Variants in MBOAT2 observed in about 807,000 individuals in gnomAD.
The protein encoded by MBOAT2 is membrane-bound glycerophospholipid O-acyltransferase 2.
A neutral mutation model predicts 63.4 loss-of-function variants in MBOAT2; 28 were observed. The ratio of observed to expected loss-of-function variants is 0.44; its 90% CI spans 0.33 to 0.61. The LOEUF (loss-of-function observed/expected upper bound fraction) is 0.61, where lower values mean the gene tolerates loss of function less well. MBOAT2 is among the 20% of genes least tolerant of loss of function. MBOAT2 has a pLI of 0.03. For missense variants in MBOAT2, 470 were observed against 605.8 expected (o/e 0.78, Z 2.35); for synonymous variants, 211 against 215.6 (o/e 0.98, Z 0.19).
chr2:8,937,991 G>T (rs1667783796), intron 3 of MBOAT2, among the ~76,000 whole-genome samples: 1 of 152,168 alleles, frequency 6.6e-6, no homozygotes, highest in Non-Finnish European at 1.5e-5. Context: ...GAATTTCTAT[G>T]AGAGGGAAGT....
chr2:8,933,905 GA>G (rs1241614196), intron 3 of MBOAT2, among the ~76,000 whole-genome samples: 2 of 152,124 alleles, frequency 1.3e-5, no homozygotes, highest in Non-Finnish European at 2.9e-5. Flanking sequence ...ACTTGCTCAA[GA>G]ATGACTGAAA....
In MBOAT2 at chr2:8,921,179, T is replaced by TA. The variant is rs370009700; in HGVS notation, c.300-12464dup. Among the ~76,000 whole-genome samples, 310 of 152,328 alleles carry TA rather than the reference T, an allele frequency of 2.0e-3. 1 individual carries two copies. Among genetic ancestry groups the TA allele is most frequent in the African/African-American group, 7.0e-3 (291 of 41,582 alleles). ...CCTCCTTTAGTGCCTTCTTTTGTAT[T>TA]AAACAAATATTTGGTAGTGAACTAT... On this transcript the variant is annotated intron_variant, in intron 3 of 12. Coordinates refer to ENST00000305997, the MANE Select transcript of MBOAT2 (RefSeq NM_138799.4).
rs187474422 is a variant in MBOAT2, at chr2:8,864,215, A to G, written c.1007T>C (p.Met336Thr). The G allele has an allele frequency of 6.3e-7, 1 of 1,578,468 alleles. No individual in the cohort carries two copies. The highest frequency in any genetic ancestry group is 1.9e-5 in the Admixed American group (1 of 52,392). Reference protein sequence around the residue: ...QQIEMSTSFKMFLDNWNIQTA... With the variant: ...QQIEMSTSFKTFLDNWNIQTA... ...CTGAATATTCCAATTATCAAGAAACATCTTGAAACTTGTTGACATCTGAAA... is the reference window on the plus strand; with the variant it reads ...CTGAATATTCCAATTATCAAGAAACGTCTTGAAACTTGTTGACATCTGAAA... The change falls in exon 10 of 13, where the codon ATG becomes ACG. Residue 336 changes from methionine to threonine, a missense_variant. By Grantham distance (81) the Met-to-Thr change is moderately conservative (BLOSUM62 -1). This residue lies in a region of MBOAT2 where 376 missense variants were observed against 503.8 expected (regional missense o/e 0.75). Coordinates refer to ENST00000305997, the MANE Select transcript of MBOAT2 (RefSeq NM_138799.4).
chr2:9,003,045 A>C lies in MBOAT2; in HGVS notation c.75+495T>G, dbSNP rs933135710. On this transcript the variant is annotated intron_variant, in intron 1 of 12. Coordinates refer to ENST00000305997, the MANE Select transcript of MBOAT2 (RefSeq NM_138799.4). The surrounding 1 kb of genome is among the most constrained non-coding windows in gnomAD (Gnocchi z 5.4). ...CTAGCACCCATCGACGCCGTCTCTAAGGCACCCAGCACACCCAGACCCATG... is the reference window on the plus strand; with the variant it reads ...CTAGCACCCATCGACGCCGTCTCTACGGCACCCAGCACACCCAGACCCATG... 6.6e-6 allele frequency among the ~76,000 whole-genome samples: 1 copy of C among 152,006 alleles called. No individual in the cohort carries two copies. The highest frequency in any genetic ancestry group is 2.4e-5 in the African/African-American group (1 of 41,408).
In MBOAT2 at chr2:8,944,648, GACACACACACACACACACACACAC is replaced by G. The variant is rs61107364; in HGVS notation, c.222-1408_222-1385del. Among the ~76,000 whole-genome samples, 3 of 140,144 alleles carry G rather than the reference GACACACACACACACACACACACAC, an allele frequency of 2.1e-5. No homozygotes were observed. In the Admixed American group the frequency reaches 2.2e-4, roughly 10 times the overall value. The allele number at this position is 140,144 out of a possible 152,430, so 91.9% of individuals were successfully genotyped here. A position where few individuals can be genotyped will look rare whatever the true frequency, so the allele number is the denominator to read the frequency against. On this transcript the variant is annotated intron_variant, in intron 2 of 12. Coordinates refer to ENST00000305997, the MANE Select transcript of MBOAT2 (RefSeq NM_138799.4). ...AATAGGTCAGTCTATCTGTTTGACT[GACACACACACACACACACACACAC>G]ACACACACACACGAAAATAATGTTG...
chr2:8,917,808 C>A (rs1030483948), intron 3 of MBOAT2, among the ~76,000 whole-genome samples: 1 of 152,038 alleles, frequency 6.6e-6, no homozygotes, highest in African/African-American at 2.4e-5. Context: ...TCCTAATAGC[C>A]CATTTTTGAA....
intron 4 of MBOAT2, among the ~76,000 whole-genome samples, chr2:8,888,477 C>G (rs951310698): frequency 1.3e-5 from 2 of 152,140 alleles, no homozygotes; most frequent in Non-Finnish European, 2.9e-5. Context: ...TGGACAGACT[C>G]TCAACTCCCT....
At chr2:8,928,501 G>A (rs990843745) in intron 3 of MBOAT2, among the ~76,000 whole-genome samples, 11 of 151,918 alleles carry the variant, frequency 7.2e-5, no homozygotes, top group South Asian at 2.1e-4. Flanking sequence ...TTTTGGTCTC[G>A]GGACCCTTTT....
At chr2:8,945,817 T>C (rs1668372449) in intron 2 of MBOAT2, among the ~76,000 whole-genome samples, 1 of 152,154 alleles carries the variant, frequency 6.6e-6, no homozygotes, top group Non-Finnish European at 1.5e-5. Flanking sequence ...GGCATAAGGT[T>C]TATTTTTAGA....
Position 8,858,784 on chromosome 2 carries a change from A to T in MBOAT2, c.1458T>A (p.Phe486Leu). Residue 486 changes from phenylalanine to leucine, a missense_variant, in exon 13 of 13, where the codon TTT becomes TTA. Transcript: ENST00000305997. ...GTCCCAAAGAATTTTCTCCTTCATCAAACTTTTTGGATTGTGAGAGCTGAA... is the reference window on the plus strand; with the variant it reads ...GTCCCAAAGAATTTTCTCCTTCATCTAACTTTTTGGATTGTGAGAGCTGAA... ...ENIQLSQSKKFDEGENSLGQN... is the reference protein window; with the variant it reads ...ENIQLSQSKKLDEGENSLGQN... The T allele has an allele frequency of 6.2e-7, 1 of 1,614,114 alleles. No homozygotes were observed.
rs182051156 is a variant in MBOAT2 at position 8,879,565 on chromosome 2, T to A, written c.507-2352A>T. ...CTATGTGTTGTCTCAAGCTTGGGCT[T>A]CTCGTGTACAGAATTATTGACACTT... is the stretch of plus-strand genomic sequence containing the variant. On this transcript the variant is annotated intron_variant, in intron 6 of 12. Coordinates refer to ENST00000305997, the MANE Select transcript of MBOAT2 (RefSeq NM_138799.4). 2.0e-5 allele frequency among the ~76,000 whole-genome samples: 3 copies of A among 152,326 alleles called. No homozygotes were observed. In the East Asian group the frequency reaches 5.8e-4, roughly 29 times the overall value.
intron 3 of MBOAT2, among the ~76,000 whole-genome samples, chr2:8,914,088 C>T (rs1305785484): frequency 6.6e-6 from 1 of 152,130 alleles, no homozygotes; most frequent in Non-Finnish European, 1.5e-5. Context: ...AACAAAACAT[C>T]ATATGTTCTG....
At chr2:8,893,524 A>AGC (rs1664176133) in intron 4 of MBOAT2, among the ~76,000 whole-genome samples, 1 of 152,238 alleles carries the variant, frequency 6.6e-6, no homozygotes, top group Non-Finnish European at 1.5e-5. Context: ...GACACAGCAG[A>AGC]TGTTTAATAG....
chr2:8,917,140 T>C (rs980369184), intron 3 of MBOAT2, among the ~76,000 whole-genome samples: 6 of 152,234 alleles, frequency 3.9e-5, no homozygotes, highest in South Asian at 2.1e-4. Flanking sequence ...ATATGGATCA[T>C]TGATCTAGGC....
chr2:8,883,797 C>G (rs186837821), intron 5 of MBOAT2, among the ~76,000 whole-genome samples: 4 of 151,956 alleles, frequency 2.6e-5, no homozygotes, highest in African/African-American at 9.6e-5. Context: ...CAACTTTATA[C>G]GTAATAGCAG....
intron 3 of MBOAT2, among the ~76,000 whole-genome samples, chr2:8,920,882 A>C (rs889514011): frequency 3.9e-5 from 6 of 152,196 alleles, no homozygotes; most frequent in African/African-American, 1.4e-4. Flanking sequence ...CAACCTTGCC[A>C]GCCTCATTTA....
chr2:8,946,720 G>A (rs139767128), intron 2 of MBOAT2, among the ~76,000 whole-genome samples: 11 of 152,216 alleles, frequency 7.2e-5, no homozygotes, highest in Non-Finnish European at 1.6e-4. Flanking sequence ...TACTGTAATC[G>A]TTTGGGGGCA....
Position 8,908,660 on chromosome 2 carries a change from T to C in MBOAT2, c.356A>G (p.Tyr119Cys). The C allele has an allele frequency of 4.3e-6, 7 of 1,612,114 alleles. No homozygotes were observed. Among genetic ancestry groups the C allele is most frequent in the Non-Finnish European group, 5.9e-6 (7 of 1,178,836 alleles). Residue 119 changes from tyrosine to cysteine, a missense_variant, in exon 4 of 13, where the codon TAT becomes TGT. This residue lies in a region of MBOAT2 where 376 missense variants were observed against 503.8 expected (regional missense o/e 0.75). Coordinates refer to ENST00000305997, the MANE Select transcript of MBOAT2 (RefSeq NM_138799.4). ...AGAATATTGTCCATAGTCAAAGATA[T>C]AGACTCGAGTAACTTGGCACACTGT... ...YLTVCQVTRV[Y>C]IFDYGQYSAD... is the part of the protein sequence containing the mutation.
At chr2:8,990,517 C>T (rs1558690500) in intron 1 of MBOAT2, among the ~76,000 whole-genome samples, 1 of 151,980 alleles carries the variant, frequency 6.6e-6, no homozygotes, top group Non-Finnish European at 1.5e-5. Flanking sequence ...GCATTTCCTA[C>T]CCAATGAAAT....
Sources: allele counts gnomAD v4.1 joint callset (sites outside exome capture counted in the v4.1 genomes callset), GRCh38; gene constraint gnomAD v4.1.1; regional missense constraint gnomAD v4.1.1; non-coding constraint Gnocchi (gnomAD v3.1); transcripts MANE v1.5; gene names NCBI Gene and HGNC (gene_info 2026-07-23, HGNC 2026-07-21).